STAU2: variants seen among roughly 807,000 people sequenced by gnomAD.
The protein encoded by STAU2 is staufen double-stranded RNA binding protein 2.
A neutral mutation model predicts 65.9 loss-of-function variants in STAU2; 20 were observed. The observed-to-expected ratio is 0.30, with a 90% CI of 0.21 to 0.44. The LOEUF is 0.44. Ranked by LOEUF, STAU2 falls within the 20% of genes least tolerant of loss-of-function variation. The pLI, the probability that STAU2 is intolerant of heterozygous loss-of-function variation, is 1.00. For synonymous variants in STAU2, 232 were observed against 233.9 expected (o/e 0.99, Z 0.07); for missense variants, 558 against 683.9 (o/e 0.82, Z 2.05).
intron 6 of STAU2, among the ~76,000 whole-genome samples, chr8:73,659,782 A>G (rs946840017): frequency 6.6e-6 from 1 of 152,164 alleles, no homozygotes; most frequent in African/African-American, 2.4e-5. Context: ...TTCTAGACAA[A>G]AGTTGTTAAA....
chr8:73,650,459 T>G (rs185555741), intron 6 of STAU2, among the ~76,000 whole-genome samples: 2 of 152,318 alleles, frequency 1.3e-5, no homozygotes, highest in Non-Finnish European at 2.9e-5. Flanking sequence ...ATTTATATAC[T>G]GGGTCACATT....
intron 9 of STAU2, among the ~76,000 whole-genome samples, chr8:73,610,030 G>A (rs1812329655): frequency 6.6e-6 from 1 of 152,106 alleles, no homozygotes; most frequent in Admixed American, 6.5e-5. Context: ...TTTAATCGCA[G>A]CACTTTGGGA....
chr8:73,606,385 T>C (rs1404418637), intron 9 of STAU2, among the ~76,000 whole-genome samples: 1 of 152,018 alleles, frequency 6.6e-6, no homozygotes, highest in Non-Finnish European at 1.5e-5. Context: ...AATTCAATAA[T>C]AAATTTATTA....
At chr8:73,660,195 G>A (rs796426778) in intron 6 of STAU2, among the ~76,000 whole-genome samples, 3 of 152,274 alleles carry the variant, frequency 2.0e-5, no homozygotes, top group African/African-American at 7.2e-5. Flanking sequence ...ACTTTGGGAG[G>A]CTGAGGTGGG....
At position 73,613,892 on chromosome 8, in the gene STAU2, A is replaced by G; in HGVS notation, c.743T>C (p.Phe248Ser). 6.2e-7 allele frequency: 1 copy of G among 1,613,774 alleles called. No individual in the cohort carries two copies. The highest frequency in any genetic ancestry group is 8.5e-7 in the Non-Finnish European group (1 of 1,179,904). Reference sequence around the variant, plus strand: ...GCTATTTCCTTCTCCTTCTGCAGAGAACTCTCCTACTGACACTCGAGTAAC... The same window carrying G: ...GCTATTTCCTTCTCCTTCTGCAGAGGACTCTCCTACTGACACTCGAGTAAC... ...SFVTRVSVGE[F>S]SAEGEGNSKK... is the part of the protein sequence containing the mutation. Residue 248 changes from phenylalanine (F) to serine (S), a missense_variant, in exon 9 of 15, where the codon TTC becomes TCC. Around this residue, in one of 3 missense-constraint regions of STAU2, gnomAD observed 199 missense variants for 299.5 expected, o/e 0.66. Transcript: ENST00000524300.
chr8:73,466,364 C>G (rs934716043), intron 13 of STAU2, among the ~76,000 whole-genome samples: 1 of 152,118 alleles, frequency 6.6e-6, no homozygotes, highest in African/African-American at 2.4e-5. Flanking sequence ...TAAAATTCCT[C>G]TAGAGGAGAG....
chr8:73,467,448 C>T (rs112132961), intron 13 of STAU2, among the ~76,000 whole-genome samples: 6 of 152,252 alleles, frequency 3.9e-5, no homozygotes, highest in African/African-American at 9.6e-5. Context: ...AGGAGAATGG[C>T]GTGAACCCGG....
At chr8:73,484,420 T>C (rs931424190) in intron 13 of STAU2, among the ~76,000 whole-genome samples, 3 of 152,098 alleles carry the variant, frequency 2.0e-5, no homozygotes, top group Admixed American at 6.6e-5. Context: ...GTCAGCTTGG[T>C]GGATCTGGAA....
chr8:73,714,242 C>G (rs1321167505), intron 3 of STAU2, among the ~76,000 whole-genome samples: 1 of 152,128 alleles, frequency 6.6e-6, no homozygotes, highest in Non-Finnish European at 1.5e-5. Context: ...GTTCCCCTTT[C>G]TCTATTCTCT....
intron 6 of STAU2, among the ~76,000 whole-genome samples, chr8:73,635,954 CT>C (rs1299493987): frequency 6.2e-5 from 6 of 96,784 alleles, no homozygotes; most frequent in African/African-American, 2.3e-4. Context: ...ACACACACCC[CT>C]GGAACCAATT....
At chr8:73,433,299 G>A (rs1444943297) in intron 13 of STAU2, among the ~76,000 whole-genome samples, 4 of 151,622 alleles carry the variant, frequency 2.6e-5, no homozygotes, top group Admixed American at 2.6e-4. Context: ...CCGCCTCCCG[G>A]GTTCAAGCGA....
intron 13 of STAU2, among the ~76,000 whole-genome samples, chr8:73,469,823 C>G (rs1819881083): frequency 6.6e-6 from 1 of 152,166 alleles, no homozygotes; most frequent in African/African-American, 2.4e-5. Context: ...ACAAACAACA[C>G]TGTGACCCAG....
Position 73,552,262 on chromosome 8 carries a change from C to A in STAU2, c.1280G>T (p.Arg427Leu), listed in dbSNP as rs532770072. ...PDVYQEMEAS[R>L]HKVISGTTLG... is the part of the protein sequence containing the mutation. ...AGTAGTGCCAGAGATTACTTTGTGG[C>A]GGCTGGCTTCCATCTCTTGATAAAC... The change falls in exon 13 of 15, where the codon CGC (arginine) becomes CTC (leucine). Residue 427 changes from arginine (R) to leucine (L), a missense_variant. Physicochemically the swap from Arg to Leu is moderately radical, Grantham distance 102 (BLOSUM62 -2). Coordinates refer to ENST00000524300, the MANE Select transcript of STAU2 (RefSeq NM_001164380.2). 3 of 1,613,484 alleles carry A rather than the reference C, an allele frequency of 1.9e-6. No individual in the cohort carries two copies. The highest frequency in any genetic ancestry group is 2.5e-6 in the Non-Finnish European group (3 of 1,179,742).
intron 13 of STAU2, among the ~76,000 whole-genome samples, chr8:73,486,611 T>TTATATATATA (rs138537650): frequency 0.016 from 2,277 of 143,574 alleles, 59 homozygotes; most frequent in African/African-American, 0.056. Flanking sequence ...AAAATATCCA[T>TTATATATATA]TATATATATA....
At chr8:73,463,963 A>G (rs1819509462) in intron 13 of STAU2, among the ~76,000 whole-genome samples, 1 of 152,218 alleles carries the variant, frequency 6.6e-6, no homozygotes, top group East Asian at 1.9e-4. Flanking sequence ...TGGTGTTAAT[A>G]CATCATAATT....
At chr8:73,620,610 T>C (rs1813156167) in intron 6 of STAU2, among the ~76,000 whole-genome samples, 1 of 152,248 alleles carries the variant, frequency 6.6e-6, no homozygotes, top group African/African-American at 2.4e-5. Context: ...TCATCAAATA[T>C]GGCTCAATGT....
At position 73,595,123 on chromosome 8, in the gene STAU2, T is replaced by A. The variant is rs371581460; in HGVS notation, c.1161+43A>T. ...GATCAAAATTTATTAATCACTTTGA[T>A]ATTATGACAGATAGGATACATACAT... On this transcript the variant is annotated intron_variant, in intron 11 of 14. Transcript: ENST00000524300. 1.3e-4 allele frequency: 194 copies of A among 1,497,440 alleles called. No individual in the cohort carries two copies. The African/African-American group carries it at 2.4e-3, about 18-fold the overall frequency. The allele number at this position is 1,497,440 out of a possible 1,614,324, so 92.8% of individuals were successfully genotyped here.
chr8:73,479,373 T>C (rs2383910), intron 13 of STAU2, among the ~76,000 whole-genome samples: 90,765 of 151,418 alleles, frequency 0.6, 28,378 homozygotes, highest in East Asian at 0.91. Context: ...AGGACCAGAA[T>C]AGAGCTTTCC....
intron 9 of STAU2, among the ~76,000 whole-genome samples, chr8:73,610,501 T>C (rs984651388): frequency 2.9e-5 from 4 of 140,026 alleles, no homozygotes; most frequent in Non-Finnish European, 6.0e-5. Flanking sequence ...ATGGTGCCAC[T>C]GCACTCCAGC....
Sources: allele counts gnomAD v4.1 joint callset (sites outside exome capture counted in the v4.1 genomes callset), GRCh38; gene constraint gnomAD v4.1.1; regional missense constraint gnomAD v4.1.1; transcripts MANE v1.5; gene names NCBI Gene and HGNC (gene_info 2026-07-23, HGNC 2026-07-21).